HOOK3: variants seen among roughly 807,000 people sequenced by gnomAD.
The protein encoded by HOOK3 is hook microtubule tethering protein 3, also known as protein Hook homolog 3.
A neutral mutation model predicts 116.3 loss-of-function variants in HOOK3; 24 were observed. The ratio of observed to expected loss-of-function variants is 0.21; its 90% CI spans 0.15 to 0.29. HOOK3 has a LOEUF of 0.29. Ranked by LOEUF, HOOK3 falls within the 10% of genes least tolerant of loss-of-function variation. The probability of loss-of-function intolerance (pLI) is 1.00; values close to 1 mark genes in which losing one functional copy is unlikely to be tolerated. For missense variants in HOOK3, 632 were observed against 830.2 expected, an observed-to-expected ratio of 0.76 and a Z score of 2.93; for synonymous variants, 275 against 283.0, an observed-to-expected ratio of 0.97 and a Z score of 0.28.
At chr8:42,958,128 C>T (rs539330209) in intron 7 of HOOK3, among the ~76,000 whole-genome samples, 12 of 152,164 alleles carry the variant, frequency 7.9e-5, no homozygotes, top group East Asian at 5.8e-4. Flanking sequence ...CACCGCGCCC[C>T]GCCTAAATAT....
chr8:43,013,443 A>C (rs577671217), intron 21 of HOOK3, 43 bp downstream of exon 21: 2 of 1,445,460 alleles, frequency 1.4e-6, no homozygotes, highest in Non-Finnish European at 1.9e-6. Flanking sequence ...ACTTCAATGA[A>C]TATGTAATAC....
chr8:42,915,551 C>T (rs1053439895), intron 2 of HOOK3, among the ~76,000 whole-genome samples: 17 of 152,110 alleles, frequency 1.1e-4, no homozygotes, highest in African/African-American at 3.6e-4. Flanking sequence ...CCTGCCCCAG[C>T]CTCCCAGTTA....
At chr8:42,957,001 A>G (rs910906697) in intron 6 of HOOK3, 93 bp from the exon 7 acceptor site, 10 of 605,178 alleles carry the variant, frequency 1.7e-5, no homozygotes, top group South Asian at 2.8e-5. Context: ...TTATATTTCT[A>G]TAGTGGCTGG....
intron 17 of HOOK3, among the ~76,000 whole-genome samples, chr8:43,005,003 T>A (rs1240658323): frequency 6.6e-6 from 1 of 151,760 alleles, no homozygotes; most frequent in East Asian, 1.9e-4. Flanking sequence ...AATTGGAAAA[T>A]GATTGAATGA....
chr8:42,904,279 C>T (rs1187593660), intron 1 of HOOK3, among the ~76,000 whole-genome samples: 1 of 150,580 alleles, frequency 6.6e-6, no homozygotes, highest in Non-Finnish European at 1.5e-5. Context: ...CCCTCCACTC[C>T]TTCCTTCATA....
intron 6 of HOOK3, 93 bp downstream of exon 6, chr8:42,950,548 C>A: frequency 1.4e-6 from 1 of 715,266 alleles, no homozygotes. Context: ...AGAGATTCTC[C>A]TCATTTTTAA....
At position 43,022,568 on chromosome 8, in the gene HOOK3, T is replaced by G; in HGVS notation, c.*4070T>G. The stretch of plus-strand genomic sequence containing the variant: ...AACCTAGCATTTATGTTCCACAGTG[T>G]GTATTTCAGAAGTTTGTAATCCAGA... On this transcript the variant is annotated 3_prime_UTR_variant, in exon 22 of 22. Transcript: ENST00000307602. 1 of 187,942 alleles carries G rather than the reference T, an allele frequency of 5.3e-6. No individual in the cohort carries two copies. Among genetic ancestry groups the G allele is most frequent in the Non-Finnish European group, 1.1e-5 (1 of 89,192 alleles). The allele number at this position is 187,942 out of a possible 1,614,324, so 11.6% of individuals were successfully genotyped here. A position where few individuals can be genotyped will look rare whatever the true frequency, so the allele number is the denominator to read the frequency against.
rs374641440 is a variant in HOOK3 at position 42,982,877 on chromosome 8, ATTGAT to A, written c.1391+185_1391+189del. Among the ~76,000 whole-genome samples the A allele has an allele frequency of 4.5e-4, 69 of 152,350 alleles. 1 individual carries two copies. The East Asian group carries it at 0.013, about 28-fold the overall frequency. On this transcript the variant is annotated intron_variant, in intron 14 of 21. Coordinates refer to ENST00000307602, the MANE Select transcript of HOOK3 (RefSeq NM_032410.4). ...GCTTTCTTCCACTGGCCTACGGAAA[ATTGAT>A]TTGCTCACTTCAATAAGACAATCTT...
intron 13 of HOOK3, among the ~76,000 whole-genome samples, chr8:42,976,813 C>T (rs1051799179): frequency 4.6e-5 from 7 of 152,086 alleles, no homozygotes; most frequent in African/African-American, 1.2e-4. Flanking sequence ...ATGAGAATGG[C>T]GTGAACCCGG....
intron 15 of HOOK3, 138 bp from the exon 16 acceptor site, chr8:42,997,412 T>C: frequency 1.7e-6 from 1 of 588,846 alleles, no homozygotes; most frequent in East Asian, 2.9e-5. Flanking sequence ...CTCATGACAT[T>C]AGGCCACTAC....
chr8:42,946,874 T>C (rs945214596), intron 5 of HOOK3, among the ~76,000 whole-genome samples: 1 of 150,938 alleles, frequency 6.6e-6, no homozygotes, highest in African/African-American at 2.4e-5. Context: ...GTTCAAGCAA[T>C]TCTCCTGCCT....
At chr8:42,934,641 T>C (rs1039255232) in intron 4 of HOOK3, among the ~76,000 whole-genome samples, 8 of 150,266 alleles carry the variant, frequency 5.3e-5, no homozygotes, top group Non-Finnish European at 7.4e-5. Context: ...GAACATGCGG[T>C]GTTTGGTTTT....
intron 13 of HOOK3, among the ~76,000 whole-genome samples, chr8:42,981,088 T>G (rs62515948): frequency 0.047 from 7,082 of 149,696 alleles, 222 homozygotes; most frequent in South Asian, 0.084. Flanking sequence ...GTCTCACTCC[T>G]TTACCCAGGC....
chr8:42,988,737 C>CA (rs1174417923), intron 15 of HOOK3, among the ~76,000 whole-genome samples: 2 of 152,184 alleles, frequency 1.3e-5, no homozygotes, highest in African/African-American at 4.8e-5. Context: ...TGAGGGAACT[C>CA]AGACTCAAGA....
At chr8:42,974,080 A>G (rs1563304803) in intron 12 of HOOK3, 27 bp from the exon 13 acceptor site, 1 of 1,530,194 alleles carries the variant, frequency 6.5e-7, no homozygotes. Context: ...CGTGAAGCTA[A>G]CCCTCCATGT....
chr8:42,939,476 A>C lies in HOOK3; in HGVS notation c.268-3837A>C, dbSNP rs577819524. Among the ~76,000 whole-genome samples, 413 of 139,768 alleles carry C rather than the reference A, an allele frequency of 3.0e-3. 6 individuals are homozygous for C. Among genetic ancestry groups the C allele is most frequent in the African/African-American group, 0.011 (394 of 36,896 alleles). 91.7% of individuals were successfully genotyped at this position (139,768 alleles called of 152,430 possible). A position where few individuals can be genotyped will look rare whatever the true frequency, so the allele number is the denominator to read the frequency against. Reference sequence around the variant, plus strand: ...CACTTCCCAGTAGGGGCGGCCGGGCAGAGGCGCCCCTCACCTCCCGGACGG... The same window carrying C: ...CACTTCCCAGTAGGGGCGGCCGGGCCGAGGCGCCCCTCACCTCCCGGACGG... On this transcript the variant is annotated intron_variant, in intron 4 of 21. Transcript: ENST00000307602.
chr8:43,013,862 CTCA>C (rs1166539271), intron 21 of HOOK3, among the ~76,000 whole-genome samples: 1 of 152,218 alleles, frequency 6.6e-6, no homozygotes, highest in Admixed American at 6.5e-5. Flanking sequence ...AAAACTAATG[CTCA>C]TCAGCATCCT....
Position 42,925,567 on chromosome 8 carries a change from T to C in HOOK3, c.154T>C (p.Tyr52His), listed in dbSNP as rs201428376. The C allele has an allele frequency of 1.6e-4, 255 of 1,601,330 alleles. No individual in the cohort carries two copies. Among genetic ancestry groups the C allele is most frequent in the Non-Finnish European group, 2.1e-4 (247 of 1,172,040 alleles). ...AQVLQKIDPA[Y>H]FDENWLNRIK... is the part of the protein sequence containing the mutation. The stretch of plus-strand genomic sequence containing the variant: ...TTTCTTATTTTGCAGAGATCCTGCA[T>C]ATTTTGATGAAAATTGGCTAAACAG... Residue 52 changes from tyrosine to histidine, a missense_variant, in exon 3 of 22, where the codon TAT becomes CAT. Tyr to His is a moderately conservative substitution (Grantham distance 83). This residue lies in a region of HOOK3 where 141 missense variants were observed against 150.8 expected (regional missense o/e 0.93). Coordinates refer to ENST00000307602, the MANE Select transcript of HOOK3 (RefSeq NM_032410.4).
intron 1 of HOOK3, among the ~76,000 whole-genome samples, chr8:42,905,295 CTTT>C (rs757313100): frequency 1.6e-5 from 1 of 60,844 alleles, no homozygotes. Flanking sequence ...GGACATAGTT[CTTT>C]TTTTTTTTTT....
Sources: allele counts gnomAD v4.1 joint callset (sites outside exome capture counted in the v4.1 genomes callset), GRCh38; gene constraint gnomAD v4.1.1; regional missense constraint gnomAD v4.1.1; transcripts MANE v1.5; gene names NCBI Gene and HGNC (gene_info 2026-07-23, HGNC 2026-07-21).